Variants in TXNRD2 observed in about 807,000 individuals in gnomAD.
TXNRD2 encodes the protein thioredoxin reductase 2.
A neutral mutation model predicts 70.8 loss-of-function variants in TXNRD2; 67 were observed. The ratio of observed to expected loss-of-function variants is 0.95; its 90% CI spans 0.78 to 1.16. TXNRD2 has a LOEUF of 1.16. Ranked by LOEUF, TXNRD2 falls within the 50% of genes most tolerant of loss-of-function variation. The pLI, the probability that TXNRD2 is intolerant of heterozygous loss-of-function variation, is 0.00. For missense variants in TXNRD2, 644 were observed against 719.9 expected (o/e 0.89, Z 1.21); for synonymous variants, 301 against 295.8 (o/e 1.02, Z -0.18).
intron 8 of TXNRD2, among the ~76,000 whole-genome samples, chr22:19,904,988 G>C (rs1035749748): frequency 6.6e-6 from 1 of 152,236 alleles, no homozygotes; most frequent in Non-Finnish European, 1.5e-5. Context: ...GCCCCTCCAA[G>C]TGTGAGTGGA....
chr22:19,905,163 A>G (rs1939951025), intron 8 of TXNRD2, among the ~76,000 whole-genome samples: 1 of 152,200 alleles, frequency 6.6e-6, no homozygotes, highest in East Asian at 1.9e-4. Context: ...CCGCATTTTC[A>G]CAGAAGCATC....
chr22:19,925,279 A>G (rs555770049), intron 2 of TXNRD2, among the ~76,000 whole-genome samples: 7 of 151,950 alleles, frequency 4.6e-5, no homozygotes, highest in East Asian at 3.9e-4. Flanking sequence ...GCAAGACTCC[A>G]TCTCAAAAAA....
intron 11 of TXNRD2, chr22:19,895,001 C>CAAGACTTA: frequency 6.7e-7 from 1 of 1,500,282 alleles, no homozygotes; most frequent in East Asian, 2.5e-5. Context: ...AGAAACATAC[C>CAAGACTTA]AAGACTTAAA....
At chr22:19,917,406 T>C (rs1022911275) in intron 5 of TXNRD2, among the ~76,000 whole-genome samples, 1 of 152,134 alleles carries the variant, frequency 6.6e-6, no homozygotes, top group Non-Finnish European at 1.5e-5. Context: ...CTGGCTCCAC[T>C]TTCCTGGATT....
chr22:19,902,888 T>G (rs1307076674), intron 8 of TXNRD2: 2 of 502,230 alleles, frequency 4.0e-6, no homozygotes, highest in Non-Finnish European at 7.9e-6. Context: ...AAAATTTATC[T>G]TCTTCCCTCT....
chr22:19,881,155 T>C (rs45465601), intron 12 of TXNRD2: 87,365 of 435,428 alleles, frequency 0.2, 13,064 homozygotes, highest in African/African-American at 0.56. Context: ...TGCAGCTTGA[T>C]CTGCACGTCA....
intron 8 of TXNRD2, among the ~76,000 whole-genome samples, chr22:19,910,003 AC>A (rs1035119319): frequency 5.6e-5 from 8 of 142,438 alleles, no homozygotes; most frequent in Non-Finnish European, 9.3e-5. Context: ...CACACCACAC[AC>A]ATCTGCACGC....
At chr22:19,890,123 T>A (rs1939201967) in intron 11 of TXNRD2, among the ~76,000 whole-genome samples, 1 of 152,160 alleles carries the variant, frequency 6.6e-6, no homozygotes, top group Admixed American at 6.5e-5. Context: ...TACTCTGGCC[T>A]GGCCTCTGTG....
In TXNRD2 at chr22:19,883,467, G is replaced by T; in HGVS notation, c.950-6C>A. 1 of 1,614,036 alleles carries T rather than the reference G, an allele frequency of 6.2e-7. No homozygotes were observed. Among genetic ancestry groups the T allele is most frequent in the South Asian group, 1.1e-5 (1 of 91,090 alleles). On this transcript the variant is annotated splice_region_variant and splice_polypyrimidine_tract_variant and intron_variant, in intron 11 of 17. Coordinates refer to ENST00000400521, the MANE Select transcript of TXNRD2 (RefSeq NM_006440.5). The stretch of plus-strand genomic sequence containing the variant: ...TCTGGTGTCTGGGACTCGACCTGAA[G>T]GAAACAGAGAGGGGGCTGAAAGGTT...
chr22:19,924,488 C>A (rs1451503390), intron 2 of TXNRD2, among the ~76,000 whole-genome samples: 4 of 152,158 alleles, frequency 2.6e-5, no homozygotes, highest in Non-Finnish European at 5.9e-5. Flanking sequence ...GTAGACCCAA[C>A]AGCTGAGCTT....
intron 2 of TXNRD2, among the ~76,000 whole-genome samples, chr22:19,925,687 A>G (rs1052772262): frequency 4.6e-5 from 7 of 151,950 alleles, no homozygotes; most frequent in Non-Finnish European, 8.8e-5. Flanking sequence ...AAGCAACTCA[A>G]AATAAATCAA....
At chr22:19,892,567 G>T (rs986080303) in intron 11 of TXNRD2, among the ~76,000 whole-genome samples, 1 of 152,262 alleles carries the variant, frequency 6.6e-6, no homozygotes, top group African/African-American at 2.4e-5. Flanking sequence ...GGCCTCGCTT[G>T]TTGCCTGCCA....
At chr22:19,881,092 A>C (rs891604463) in intron 12 of TXNRD2, 2 of 460,048 alleles carry the variant, frequency 4.3e-6, no homozygotes, top group East Asian at 3.2e-5. Flanking sequence ...GTTTTCATTC[A>C]CTGGAATCCC....
chr22:19,932,310 G>T (rs1201131459), intron 1 of TXNRD2: 6 of 1,612,120 alleles, frequency 3.7e-6, no homozygotes, highest in Non-Finnish European at 5.1e-6. Context: ...CTGGGCTCAG[G>T]TTTCATCCCT....
chr22:19,909,192 T>A (rs1283529603), intron 8 of TXNRD2, among the ~76,000 whole-genome samples: 5 of 137,078 alleles, frequency 3.6e-5, no homozygotes, highest in African/African-American at 1.4e-4. Flanking sequence ...GGCAACAGAG[T>A]GAGACTCTGT....
chr22:19,941,639 C>A, intron 1 of TXNRD2, 62 bp downstream of exon 1: 1 of 1,394,462 alleles, frequency 7.2e-7, no homozygotes, highest in Non-Finnish European at 9.2e-7. Context: ...GCGCGGACAC[C>A]CTCACGAGGA....
intron 12 of TXNRD2, among the ~76,000 whole-genome samples, chr22:19,881,767 T>C (rs1938791181): frequency 6.6e-6 from 1 of 152,206 alleles, no homozygotes; most frequent in African/African-American, 2.4e-5. Flanking sequence ...CAGAGACCAC[T>C]GCACCTACAT....
intron 17 of TXNRD2, chr22:19,876,833 G>A (rs552789552): frequency 2.2e-4 from 79 of 364,990 alleles, no homozygotes; most frequent in African/African-American, 1.5e-3. Flanking sequence ...GCCAGGCCGG[G>A]GTCTGGGGTC....
chr22:19,890,908 TC>T (rs1939235631), intron 11 of TXNRD2, among the ~76,000 whole-genome samples: 1 of 151,892 alleles, frequency 6.6e-6, no homozygotes, highest in South Asian at 2.1e-4. Flanking sequence ...TGGCAACAGC[TC>T]CCCTCCTGGG....
Sources: allele counts gnomAD v4.1 joint callset (sites outside exome capture counted in the v4.1 genomes callset), GRCh38; gene constraint gnomAD v4.1.1; transcripts MANE v1.5; gene names NCBI Gene and HGNC (gene_info 2026-07-23, HGNC 2026-07-21).